Variants in ZBBX observed in about 807,000 individuals in gnomAD.
ZBBX encodes zinc finger B-box domain-containing protein 1.
In ZBBX, 101 loss-of-function variants were observed where a neutral mutation model predicts 108.5. That is an observed-to-expected ratio of 0.93 (90% CI 0.79 to 1.10). ZBBX has a LOEUF of 1.10. Among genes scored for constraint, ZBBX ranks in the 50% least tolerant of loss-of-function variants. ZBBX has a pLI of 0.00. For missense variants in ZBBX, 1,009 were observed against 941.4 expected, an observed-to-expected ratio of 1.07 and a Z score of -0.94; for synonymous variants, 356 against 323.4, an observed-to-expected ratio of 1.10 and a Z score of -1.08.
chr3:167,181,197 A>T, the ZBBX span, among the ~76,000 whole-genome samples: 2 of 151,906 alleles, frequency 1.3e-5, no homozygotes, highest in African/African-American at 4.8e-5. Context: ...AACCTTGCAA[A>T]TTTTTTCCTA....
intron 1 of ZBBX, among the ~76,000 whole-genome samples, chr3:167,397,449 GA>G (rs1310170532): frequency 6.6e-6 from 1 of 151,626 alleles, no homozygotes; most frequent in East Asian, 1.9e-4. Context: ...TTCATGTCAT[GA>G]AAAAAATTAT....
chr3:167,268,240 T>C (rs1022479352), intron 20 of ZBBX, among the ~76,000 whole-genome samples: 1 of 151,820 alleles, frequency 6.6e-6, no homozygotes, highest in African/African-American at 2.4e-5. Context: ...ATGACCCTTA[T>C]GGGTTAGCAG....
upstream of ZBBX, among the ~76,000 whole-genome samples, chr3:167,383,573 C>T (rs1232649930): frequency 6.6e-6 from 1 of 152,010 alleles, no homozygotes; most frequent in Non-Finnish European, 1.5e-5. Flanking sequence ...TAATTTCTGC[C>T]TATCATCCAT....
chr3:167,231,765 A>C, the ZBBX span, among the ~76,000 whole-genome samples: 1 of 151,716 alleles, frequency 6.6e-6, no homozygotes, highest in African/African-American at 2.4e-5. Flanking sequence ...AGTTTTCCCA[A>C]ATCTGTGGTG....
intron 10 of ZBBX, among the ~76,000 whole-genome samples, chr3:167,332,065 T>A (rs1333798024): frequency 6.6e-6 from 1 of 152,154 alleles, no homozygotes; most frequent in Non-Finnish European, 1.5e-5. Flanking sequence ...TAAATATTTT[T>A]AAAAATCCAA....
chr3:167,313,347 C>T (rs1734911623), intron 16 of ZBBX, among the ~76,000 whole-genome samples: 3 of 151,200 alleles, frequency 2.0e-5, no homozygotes, highest in South Asian at 2.1e-4. Context: ...GTGATCTCGG[C>T]TTACCGCAAC....
rs906519536 is a variant in ZBBX at position 167,373,687 on chromosome 3, GAA to G, written c.-50+17_-50+18del. 1.3e-5 allele frequency: 2 copies of G among 152,112 alleles called. No individual in the cohort carries two copies. Among genetic ancestry groups the G allele is most frequent in the African/African-American group, 4.8e-5 (2 of 41,418 alleles). The allele number at this position is 152,112 out of a possible 1,614,324, so 9.4% of individuals were successfully genotyped here. A position where few individuals can be genotyped will look rare whatever the true frequency, so the allele number is the denominator to read the frequency against. ...AAAATGTTATTGAGAAAATCATAAA[GAA>G]GAGAAAATATATTTACTATTTATTA... On this transcript the variant is annotated intron_variant, in intron 3 of 21. Transcript: ENST00000675490.
At chr3:167,305,196 T>C (rs1260508825) in intron 17 of ZBBX, among the ~76,000 whole-genome samples, 1 of 152,166 alleles carries the variant, frequency 6.6e-6, no homozygotes, top group Non-Finnish European at 1.5e-5. Flanking sequence ...GCCATCTTCC[T>C]GAAAGAATTA....
At chr3:167,301,233 C>T (rs1369726525) in intron 17 of ZBBX, among the ~76,000 whole-genome samples, 1 of 152,066 alleles carries the variant, frequency 6.6e-6, no homozygotes, top group African/African-American at 2.4e-5. Context: ...GGAAAGGAAC[C>T]CTGCTGTAAA....
intron 8 of ZBBX, among the ~76,000 whole-genome samples, chr3:167,355,428 G>T (rs1743390887): frequency 6.6e-6 from 1 of 151,870 alleles, no homozygotes; most frequent in Non-Finnish European, 1.5e-5. Flanking sequence ...TTTGCTGAAG[G>T]TCACATAGCT....
the ZBBX span, among the ~76,000 whole-genome samples, chr3:167,195,350 C>G: frequency 6.6e-6 from 1 of 152,104 alleles, no homozygotes; most frequent in East Asian, 1.9e-4. Context: ...ATTAGTGTAA[C>G]TTTTGAGTAA....
At chr3:167,306,163 G>C (rs189063249) in intron 16 of ZBBX, among the ~76,000 whole-genome samples, 7 of 152,202 alleles carry the variant, frequency 4.6e-5, no homozygotes, top group Admixed American at 4.6e-4. Flanking sequence ...ACATTAATGA[G>C]CTAGACTAGT....
At chr3:167,288,773 C>G (rs1271400653) in intron 19 of ZBBX, 94 bp downstream of exon 19, 2 of 602,378 alleles carry the variant, frequency 3.3e-6, no homozygotes, top group East Asian at 6.6e-5. Context: ...ACTTCAAAAA[C>G]TAAATTGCAG....
the ZBBX span, among the ~76,000 whole-genome samples, chr3:167,224,785 T>C: frequency 6.6e-6 from 1 of 151,904 alleles, no homozygotes; most frequent in African/African-American, 2.4e-5. Flanking sequence ...ATCTTGCAAA[T>C]GGCAGTACTA....
intron 1 of ZBBX, among the ~76,000 whole-genome samples, chr3:167,394,701 C>T (rs1049305837): frequency 6.6e-6 from 1 of 151,944 alleles, no homozygotes; most frequent in Non-Finnish European, 1.5e-5. Flanking sequence ...AAAAACTTGA[C>T]ATATTGAGAA....
chr3:167,406,565 A>G (rs938699645), intron 1 of ZBBX, among the ~76,000 whole-genome samples: 1 of 152,224 alleles, frequency 6.6e-6, no homozygotes, highest in Non-Finnish European at 1.5e-5. Flanking sequence ...CCCAAATTAC[A>G]AAAGAATTAG....
intron 11 of ZBBX, among the ~76,000 whole-genome samples, chr3:167,324,520 G>C (rs562712251): frequency 6.6e-6 from 1 of 152,194 alleles, no homozygotes; most frequent in Non-Finnish European, 1.5e-5. Flanking sequence ...CCGGCTCTCT[G>C]CCCATTAAAC....
At chr3:167,322,542 A>G (rs1434605461) in intron 11 of ZBBX, among the ~76,000 whole-genome samples, 1 of 152,064 alleles carries the variant, frequency 6.6e-6, no homozygotes, top group East Asian at 1.9e-4. Flanking sequence ...TGTACATTGT[A>G]TAAACACATA....
chr3:167,190,539 C>A, the ZBBX span, among the ~76,000 whole-genome samples: 3 of 152,058 alleles, frequency 2.0e-5, no homozygotes, highest in Admixed American at 2.0e-4. Context: ...TGCCACCACG[C>A]CCGGCTAATT....
Sources: gnomAD v4.1 joint callset for allele counts (sites outside exome capture counted in the v4.1 genomes callset) on GRCh38, gnomAD v4.1.1 for gene constraint, MANE v1.5 for transcripts, NCBI Gene and HGNC (gene_info 2026-07-23, HGNC 2026-07-21) for gene names.